DNAH8: variants seen among roughly 807,000 people sequenced by gnomAD.
DNAH8 encodes dynein axonemal heavy chain 8, also known as axonemal beta dynein heavy chain 8.
DNAH8 carries 382 observed loss-of-function variants against 562.1 expected under a neutral mutation model. The ratio of observed to expected loss-of-function variants is 0.68; its 90% CI spans 0.63 to 0.74. DNAH8 has a LOEUF of 0.74. Ranked by LOEUF, DNAH8 falls within the 30% of genes least tolerant of loss-of-function variation. DNAH8 has a pLI of 0.00. For missense variants in DNAH8, 5,203 were observed against 5,620.4 expected, an observed-to-expected ratio of 0.93 and a Z score of 2.37; for synonymous variants, 1,881 against 1,919.4, an observed-to-expected ratio of 0.98 and a Z score of 0.52.
At chr6:38,975,304 A>T (rs547486903) in intron 85 of DNAH8, among the ~76,000 whole-genome samples, 2 of 152,336 alleles carry the variant, frequency 1.3e-5, no homozygotes, top group East Asian at 3.9e-4. Flanking sequence ...AATGCACTGG[A>T]TCCATTCCTT....
chr6:38,722,817 A>C lies in DNAH8; in HGVS notation c.8A>C (p.Lys3Thr). ...CATTCCGCACGACGGGGGATGGAGA[A>C]GGATGCTGAAGATGGCGCCCCTTCT... ME[K>T]DAEDGAPSEG... The change falls in exon 2 of 93, where the codon AAG becomes ACG. Residue 3 changes from lysine (K) to threonine (T), a missense_variant. Physicochemically the swap from Lys to Thr is moderately conservative, Grantham distance 78. Around this residue, in one of 6 missense-constraint regions of DNAH8, gnomAD observed 556 missense variants for 496.9 expected, o/e 1.12. Transcript: ENST00000327475. 1 of 1,584,944 alleles carries C rather than the reference A, an allele frequency of 6.3e-7. No homozygotes were observed. Among genetic ancestry groups the C allele is most frequent in the Non-Finnish European group, 8.6e-7 (1 of 1,167,244 alleles).
chr6:39,018,075 T>C (rs1265637493), intron 91 of DNAH8, among the ~76,000 whole-genome samples: 1 of 152,214 alleles, frequency 6.6e-6, no homozygotes, highest in East Asian at 1.9e-4. Context: ...CCTCAAGTCC[T>C]AAACTTCAAC....
chr6:38,802,778 A>G (rs550740353), intron 21 of DNAH8, among the ~76,000 whole-genome samples: 1 of 152,374 alleles, frequency 6.6e-6, no homozygotes, highest in Non-Finnish European at 1.5e-5. Context: ...ACCATGCTCA[A>G]TTAAAAACTT....
At chr6:38,722,009 C>A (rs1409949495) in intron 1 of DNAH8, among the ~76,000 whole-genome samples, 1 of 152,194 alleles carries the variant, frequency 6.6e-6, no homozygotes, top group Non-Finnish European at 1.5e-5. Flanking sequence ...TATTGTCCTA[C>A]AATATGGTTT....
chr6:38,943,215 A>G (rs1783597843), intron 79 of DNAH8, among the ~76,000 whole-genome samples: 1 of 152,240 alleles, frequency 6.6e-6, no homozygotes, highest in Admixed American at 6.5e-5. Context: ...AGGTTGATTG[A>G]CAGCAGTACA....
Position 38,873,134 on chromosome 6 carries a change from G to A in DNAH8, c.7466G>A (p.Arg2489Lys). 1.2e-6 allele frequency: 2 copies of A among 1,613,476 alleles called. No individual in the cohort carries two copies. The highest frequency in any genetic ancestry group is 8.5e-7 in the Non-Finnish European group (1 of 1,179,964). Residue 2489 changes from arginine to lysine, a missense_variant, in exon 51 of 93, where the codon AGG (arginine) becomes AAG (lysine). Physicochemically the swap from Arg to Lys is conservative, Grantham distance 26 (BLOSUM62 2). Around this residue, in one of 6 missense-constraint regions of DNAH8, gnomAD observed 977 missense variants for 1,061.8 expected, o/e 0.92. Transcript: ENST00000327475. ...VYISSSALSW[R>K]PILQAWLKKR... Reference sequence around the variant, plus strand: ...ATCAGCAGCTCTGCTCTCAGCTGGAGGCCAATCTTACAGGTGGGGCAGAGA... The same window carrying A: ...ATCAGCAGCTCTGCTCTCAGCTGGAAGCCAATCTTACAGGTGGGGCAGAGA...
rs1480196346 is a variant in DNAH8, at chr6:39,030,277, A to T, written c.14009A>T (p.Tyr4670Phe). 1 of 1,614,012 alleles carries T rather than the reference A, an allele frequency of 6.2e-7. No homozygotes were observed. Among genetic ancestry groups the T allele is most frequent in the Non-Finnish European group, 8.5e-7 (1 of 1,180,034 alleles). Reference protein sequence around the residue: ...KDPKLYVCPIYKKPRRTDLTF... With the variant: ...KDPKLYVCPIFKKPRRTDLTF... ...CCCAAGCTGTATGTGTGTCCTATTT[A>T]CAAGAAACCCAGGCGAACTGATTTG... Residue 4670 changes from tyrosine (Y) to phenylalanine (F), a missense_variant, in exon 93 of 93, where the codon TAC (tyrosine) becomes TTC (phenylalanine). Coordinates refer to ENST00000327475, the MANE Select transcript of DNAH8 (RefSeq NM_001206927.2).
chr6:38,793,741 T>C (rs1039735503), intron 21 of DNAH8, among the ~76,000 whole-genome samples: 2 of 152,182 alleles, frequency 1.3e-5, no homozygotes, highest in Non-Finnish European at 2.9e-5. Context: ...TTTTCAAATA[T>C]ATGTGATCTT....
intron 17 of DNAH8, among the ~76,000 whole-genome samples, chr6:38,785,461 A>T (rs1769061301): frequency 6.6e-6 from 1 of 152,202 alleles, no homozygotes; most frequent in Non-Finnish European, 1.5e-5. Context: ...AGGAAGACAG[A>T]TTTAAATGTT....
chr6:38,729,795 C>T (rs1763525262), intron 3 of DNAH8, 107 bp from the exon 4 acceptor site: 2 of 636,108 alleles, frequency 3.1e-6, no homozygotes, highest in Non-Finnish European at 5.5e-6. Flanking sequence ...CTAATCTTGC[C>T]TTTATGTACC....
At chr6:38,753,784 C>T (rs1481921757) in intron 9 of DNAH8, among the ~76,000 whole-genome samples, 1 of 152,072 alleles carries the variant, frequency 6.6e-6, no homozygotes, top group Non-Finnish European at 1.5e-5. Flanking sequence ...TTCAATTACT[C>T]TAACCATGGA....
At chr6:38,845,064 A>G (rs779900584) in intron 35 of DNAH8, among the ~76,000 whole-genome samples, 4 of 146,370 alleles carry the variant, frequency 2.7e-5, no homozygotes, top group Non-Finnish European at 6.0e-5. Flanking sequence ...AGTCTTTCTT[A>G]TTAAGTATTC....
chr6:39,005,872 T>G (rs1283312422), intron 88 of DNAH8, among the ~76,000 whole-genome samples: 1 of 152,258 alleles, frequency 6.6e-6, no homozygotes, highest in African/African-American at 2.4e-5. Context: ...ATGTTCATTT[T>G]GTTTTTGGTT....
chr6:38,860,389 G>T, intron 42 of DNAH8, 68 bp from the exon 43 acceptor site: 1 of 893,270 alleles, frequency 1.1e-6, no homozygotes. Flanking sequence ...TTTAAAAACT[G>T]CCCACATGCT....
intron 54 of DNAH8, 109 bp from the exon 55 acceptor site, chr6:38,883,213 A>G: frequency 7.3e-7 from 1 of 1,372,476 alleles, no homozygotes; most frequent in South Asian, 1.6e-5. Flanking sequence ...CTAAAAAGTT[A>G]TTAAAAATTA....
At chr6:38,896,319 A>G in intron 60 of DNAH8, 94 bp downstream of exon 60, 1 of 1,052,134 alleles carries the variant, frequency 9.5e-7, no homozygotes, top group Non-Finnish European at 1.4e-6. Context: ...AGTTGCTATA[A>G]TTCCAGCACT....
At position 38,873,216 on chromosome 6, in the gene DNAH8, A is replaced by G. The variant is rs775034539; in HGVS notation, c.7480-20A>G. 6.2e-7 allele frequency: 1 copy of G among 1,612,630 alleles called. No homozygotes were observed. Among genetic ancestry groups the G allele is most frequent in the Non-Finnish European group, 8.5e-7 (1 of 1,179,694 alleles). On this transcript the variant is annotated intron_variant, in intron 51 of 92. Transcript: ENST00000327475. Reference sequence around the variant, plus strand: ...CGTTTCACTTTCTCAATAAACACAGATTCTGTTTCTTTGTTGCAGGCATGG... The same window carrying G: ...CGTTTCACTTTCTCAATAAACACAGGTTCTGTTTCTTTGTTGCAGGCATGG...
At chr6:38,948,540 T>C (rs931089314) in intron 80 of DNAH8, among the ~76,000 whole-genome samples, 6 of 152,048 alleles carry the variant, frequency 3.9e-5, no homozygotes, top group Admixed American at 3.3e-4. Context: ...GGTTTCTCCA[T>C]GTTGGTCAGG....
intron 8 of DNAH8, among the ~76,000 whole-genome samples, chr6:38,743,763 G>T (rs117733995): frequency 4.6e-5 from 7 of 152,206 alleles, no homozygotes; most frequent in East Asian, 1.9e-4. Context: ...ACATTTTGTT[G>T]ATCAGTTTAT....
Sources: gnomAD v4.1 joint callset for allele counts (sites outside exome capture counted in the v4.1 genomes callset) on GRCh38, gnomAD v4.1.1 for gene constraint, gnomAD v4.1.1 regional missense constraint, MANE v1.5 for transcripts, NCBI Gene and HGNC (gene_info 2026-07-23, HGNC 2026-07-21) for gene names.